IQGAP1: variants seen among roughly 807,000 people sequenced by gnomAD.
IQGAP1 encodes the protein IQ motif containing GTPase activating protein 1.
IQGAP1 carries 66 observed loss-of-function variants against 215.6 expected under a neutral mutation model. The observed-to-expected ratio is 0.31, with a 90% CI of 0.25 to 0.38. The LOEUF (loss-of-function observed/expected upper bound fraction) is 0.38, where lower values mean the gene tolerates loss of function less well. Ranked by LOEUF, IQGAP1 falls within the 10% of genes least tolerant of loss-of-function variation. IQGAP1 has a pLI of 1.00. For synonymous variants in IQGAP1, 772 were observed against 728.7 expected (o/e 1.06, Z -0.96); for missense variants, 1,712 against 1,997.1 (o/e 0.86, Z 2.72).
At chr15:90,401,663 T>C (rs1466197120) in intron 2 of IQGAP1, among the ~76,000 whole-genome samples, 1 of 152,242 alleles carries the variant, frequency 6.6e-6, no homozygotes, top group Non-Finnish European at 1.5e-5. Context: ...GAGGTGCTTA[T>C]TATCTACATT....
At chr15:90,416,510 C>T (rs1417779918) in intron 2 of IQGAP1, among the ~76,000 whole-genome samples, 2 of 152,086 alleles carry the variant, frequency 1.3e-5, no homozygotes, top group African/African-American at 4.8e-5. Context: ...AAGCAGTTTA[C>T]AGTCCCTCCA....
At chr15:90,450,436 T>C (rs1774382726) in intron 11 of IQGAP1, among the ~76,000 whole-genome samples, 1 of 145,204 alleles carries the variant, frequency 6.9e-6, no homozygotes, top group African/African-American at 2.5e-5. Context: ...GCAGTAAACA[T>C]GGGAGTGCTG....
At chr15:90,474,813 G>T in intron 23 of IQGAP1, 120 bp downstream of exon 23, 1 of 717,792 alleles carries the variant, frequency 1.4e-6, no homozygotes, top group South Asian at 1.8e-5. Flanking sequence ...ACTGCCATAA[G>T]AGCTTTTTTT....
Position 90,441,584 on chromosome 15 carries a change from C to G in IQGAP1, c.728C>G (p.Pro243Arg), listed in dbSNP as rs147782101. ...GACACATTTGCAGCTTTGAAAAATC[C>G]GAATGCCATGCTTGTAAATCTTGAA... ...PADTFAALKNPNAMLVNLEEP... is the reference protein window; with the variant it reads ...PADTFAALKNRNAMLVNLEEP... The change falls in exon 8 of 38, where the codon CCG becomes CGG. Residue 243 changes from proline to arginine, a missense_variant. Physicochemically the swap from Pro to Arg is moderately radical, Grantham distance 103 (BLOSUM62 -2). Transcript: ENST00000268182. 5.6e-6 allele frequency: 9 copies of G among 1,613,826 alleles called. No individual in the cohort carries two copies. The East Asian group carries it at 2.0e-4, about 36-fold the overall frequency.
At chr15:90,417,702 T>C (rs1000388631) in intron 2 of IQGAP1, among the ~76,000 whole-genome samples, 1 of 152,208 alleles carries the variant, frequency 6.6e-6, no homozygotes, top group Non-Finnish European at 1.5e-5. Context: ...GCGGGCTCTT[T>C]TTGGGTTCCA....
At position 90,501,746 on chromosome 15, in the gene IQGAP1, T is replaced by C. The variant is rs866108299; in HGVS notation, c.*1638T>C. 3.4e-4 allele frequency: 51 copies of C among 152,208 alleles called. No homozygotes were observed. Among genetic ancestry groups the C allele is most frequent in the African/African-American group, 1.2e-3 (50 of 41,452 alleles). The allele number at this position is 152,208 out of a possible 1,614,324, so 9.4% of individuals were successfully genotyped here. On this transcript the variant is annotated 3_prime_UTR_variant, in exon 38 of 38. Transcript: ENST00000268182. ...GAAACATTTTCCTCAGATTAAAAGA[T>C]GATGCTATTACAACTAGCATTGCCT...
In IQGAP1 at chr15:90,483,334, C is replaced by T. The variant is rs1966084257; in HGVS notation, c.3556-27C>T. 21 of 1,523,848 alleles carry T rather than the reference C, an allele frequency of 1.4e-5. No homozygotes were observed. In the East Asian group the frequency reaches 4.7e-4, roughly 34 times the overall value. 94.4% of individuals were successfully genotyped at this position (1,523,848 alleles called of 1,614,324 possible). A position where few individuals can be genotyped will look rare whatever the true frequency, so the allele number is the denominator to read the frequency against. Reference sequence around the variant, plus strand: ...TTCCTTGGTGGTATGTCTTTTAATACCCATCTTTCTGTTTCGTCTGTTCCA... The same window carrying T: ...TTCCTTGGTGGTATGTCTTTTAATATCCATCTTTCTGTTTCGTCTGTTCCA... On this transcript the variant is annotated intron_variant, in intron 28 of 37. Coordinates refer to ENST00000268182, the MANE Select transcript of IQGAP1 (RefSeq NM_003870.4).
At chr15:90,422,564 A>G (rs925789715) in intron 2 of IQGAP1, among the ~76,000 whole-genome samples, 1 of 147,832 alleles carries the variant, frequency 6.8e-6, no homozygotes, top group Non-Finnish European at 1.5e-5. Flanking sequence ...ATATAATAAC[A>G]TGGAAAATAT....
chr15:90,456,341 A>T (rs1267240994), intron 15 of IQGAP1, 26 bp downstream of exon 15: 27 of 1,612,350 alleles, frequency 1.7e-5, no homozygotes, highest in Non-Finnish European at 2.2e-5. Flanking sequence ...ATTGTTCTTT[A>T]TGTTCAGAGC....
rs372768024 is a variant in IQGAP1 at position 90,481,956 on chromosome 15, C to A, written c.3330-4C>A. The A allele has an allele frequency of 1.6e-4, 252 of 1,613,920 alleles. No individual in the cohort carries two copies. Among genetic ancestry groups the A allele is most frequent in the Admixed American group, 5.7e-4 (34 of 59,984 alleles). ...ATAGTTGGGTATAATTTCTGTCTTC[C>A]CAGCAAACTGCCCTATGATGTGACC... On this transcript the variant is annotated splice_polypyrimidine_tract_variant and splice_region_variant and intron_variant, in intron 26 of 37. Transcript: ENST00000268182.
intron 15 of IQGAP1, among the ~76,000 whole-genome samples, chr15:90,460,515 C>G (rs748636585): frequency 6.6e-6 from 1 of 152,192 alleles, no homozygotes; most frequent in South Asian, 2.1e-4. Flanking sequence ...GACAGCCATG[C>G]GAGTGTGACC....
chr15:90,398,461 A>G (rs367930639), intron 2 of IQGAP1, among the ~76,000 whole-genome samples: 1 of 152,224 alleles, frequency 6.6e-6, no homozygotes, highest in Non-Finnish European at 1.5e-5. Flanking sequence ...AAAAGAAGGG[A>G]TTAAGTAAAA....
intron 2 of IQGAP1, among the ~76,000 whole-genome samples, chr15:90,400,202 T>A (rs1432779381): frequency 1.3e-5 from 2 of 152,206 alleles, no homozygotes; most frequent in East Asian, 3.8e-4. Context: ...CCATTATGCC[T>A]GTGGTGATTA....
At chr15:90,473,611 A>C in intron 19 of IQGAP1, 104 bp from the exon 20 acceptor site, 1 of 777,230 alleles carries the variant, frequency 1.3e-6, no homozygotes, top group Admixed American at 2.4e-5. Flanking sequence ...CTAAAACTTC[A>C]TCATGAAATT....
At chr15:90,452,599 C>T (rs747380670) in intron 11 of IQGAP1, among the ~76,000 whole-genome samples, 176 bp from the exon 12 acceptor site, 3 of 152,102 alleles carry the variant, frequency 2.0e-5, no homozygotes, top group African/African-American at 4.8e-5. Context: ...GTTCACATAC[C>T]GTACAGTTCA....
rs756603363 is a variant in IQGAP1 at position 90,391,243 on chromosome 15, GA to G, written c.155+378del. The stretch of plus-strand genomic sequence containing the variant: ...ACAAAACTCCTGTTTTTGGTGGGGG[GA>G]AAAAAAAGAAAAGATTTATTTGAGT... On this transcript the variant is annotated intron_variant, in intron 2 of 37. Transcript: ENST00000268182. 361 of 161,626 alleles carry G rather than the reference GA, an allele frequency of 2.2e-3. 5 individuals carry two copies. The highest frequency in any genetic ancestry group is 7.1e-3 in the African/African-American group (296 of 41,598). The allele number at this position is 161,626 out of a possible 1,614,324, so 10.0% of individuals were successfully genotyped here.
At position 90,452,925 on chromosome 15, in the gene IQGAP1, G is replaced by A. The variant is rs756912806; in HGVS notation, c.1313G>A (p.Arg438Gln). ...LYQKELATLQ[R>Q]QSPEHNLTHP... ...CAGAAGGAGCTGGCTACCCTGCAGC[G>A]ACAAAGTCCTGAAGTGAGTTCACTA... The change falls in exon 12 of 38, where the codon CGA becomes CAA. Residue 438 changes from arginine to glutamine, a missense_variant. Arg to Gln is a conservative substitution (Grantham distance 43). Transcript: ENST00000268182. The A allele has an allele frequency of 8.3e-5, 134 of 1,613,812 alleles. No individual in the cohort carries two copies. Among genetic ancestry groups the A allele is most frequent in the Non-Finnish European group, 1.0e-4 (122 of 1,180,010 alleles).
intron 33 of IQGAP1, among the ~76,000 whole-genome samples, chr15:90,491,101 G>A (rs1390575909): frequency 1.3e-5 from 2 of 152,150 alleles, no homozygotes; most frequent in African/African-American, 4.8e-5. Flanking sequence ...GAGCCACCGC[G>A]CCTAGCCCAG....
rs371541954 is a variant in IQGAP1, at chr15:90,472,836, T to G, written c.2179-4T>G. The G allele has an allele frequency of 1.3e-5, 20 of 1,598,628 alleles. No homozygotes were observed. The highest frequency in any genetic ancestry group is 2.7e-5 in the African/African-American group (2 of 74,350). ...GTCTTTGAATGTGACCACTGCTTTT[T>G]CAGAGTTCTATCTCTGGGGTGACTG... On this transcript the variant is annotated splice_polypyrimidine_tract_variant and splice_region_variant and intron_variant, in intron 18 of 37. Coordinates refer to ENST00000268182, the MANE Select transcript of IQGAP1 (RefSeq NM_003870.4).
Sources: allele counts gnomAD v4.1 joint callset (sites outside exome capture counted in the v4.1 genomes callset), GRCh38; gene constraint gnomAD v4.1.1; transcripts MANE v1.5; gene names NCBI Gene and HGNC (gene_info 2026-07-23, HGNC 2026-07-21).